CIT: variants seen among roughly 807,000 people sequenced by gnomAD.
CIT encodes the protein citron rho-interacting serine/threonine kinase, also known as citron Rho-interacting kinase.
Under a neutral mutation model 272.7 loss-of-function variants are expected in CIT, and 79 were observed. That is an observed-to-expected ratio of 0.29 (90% CI 0.24 to 0.35). The LOEUF is 0.35. CIT is among the 10% of genes least tolerant of loss of function. The probability of loss-of-function intolerance (pLI) is 1.00; values close to 1 mark genes in which losing one functional copy is unlikely to be tolerated. For missense variants in CIT, 1,909 were observed against 2,618.3 expected (o/e 0.73, Z 5.91); for synonymous variants, 948 against 995.6 (o/e 0.95, Z 0.90).
At chr12:119,739,728 T>C (rs1314334329) in intron 24 of CIT, among the ~76,000 whole-genome samples, 1 of 152,138 alleles carries the variant, frequency 6.6e-6, no homozygotes. Context: ...TGCAAGCAGT[T>C]TGCACGTATC....
Position 119,784,744 on chromosome 12 carries a change from T to G in CIT, c.1401+216A>C. ...AAACGGACTGTTTAAATCCAGGGCC[T>G]CCTCTGGTTTAGATTTAAAGGATTT... On this transcript the variant is annotated intron_variant, in intron 11 of 47. Coordinates refer to ENST00000392521, the MANE Select transcript of CIT (RefSeq NM_001206999.2). The surrounding 1 kb of genome is among the most constrained non-coding windows in gnomAD (Gnocchi z 4.7). The G allele has an allele frequency of 1.4e-6, 2 of 1,395,914 alleles. No homozygotes were observed. Among genetic ancestry groups the G allele is most frequent in the Non-Finnish European group, 1.9e-6 (2 of 1,078,608 alleles). The allele number at this position is 1,395,914 out of a possible 1,614,324, so 86.5% of individuals were successfully genotyped here.
intron 19 of CIT, among the ~76,000 whole-genome samples, chr12:119,764,032 GT>G (rs1205624858): frequency 6.6e-6 from 1 of 152,178 alleles, no homozygotes; most frequent in African/African-American, 2.4e-5. Flanking sequence ...GGTAAGAAGG[GT>G]TTAACCTGAG....
intron 21 of CIT, among the ~76,000 whole-genome samples, chr12:119,758,054 C>T (rs1219129756): frequency 2.0e-5 from 3 of 152,192 alleles, no homozygotes; most frequent in Admixed American, 6.5e-5. Context: ...ACACAGCCTA[C>T]TAAGCTGGTT....
rs2269938 is a variant in CIT at position 119,804,210 on chromosome 12, C to G, written c.1112-821G>C. On this transcript the variant is annotated intron_variant, in intron 9 of 47. Coordinates refer to ENST00000392521, the MANE Select transcript of CIT (RefSeq NM_001206999.2). This position sits in a 1 kb window ranked among gnomAD's most constrained non-coding sequence, Gnocchi z 5.3. Reference sequence around the variant, plus strand: ...CTGGGGGCGTGTTACATCCTCTCCACTTCCTCCGACCTACTAAGCGCTCTC... The same window carrying G: ...CTGGGGGCGTGTTACATCCTCTCCAGTTCCTCCGACCTACTAAGCGCTCTC... 0.18 allele frequency: 172,654 copies of G among 985,368 alleles called. 15,542 individuals carry two copies. Among genetic ancestry groups the G allele is most frequent in the East Asian group, 0.42 (3,700 of 8,784 alleles). 61.0% of individuals were successfully genotyped at this position (985,368 alleles called of 1,614,324 possible).
chr12:119,770,936 GT>G lies in CIT; in HGVS notation c.2083-27del, dbSNP rs1963072881. ...CTGTAGATCATGAATCAATCAGAGA[GT>G]TTTAATGGAGTAACCGCTATGGGCA... On this transcript the variant is annotated intron_variant, in intron 17 of 47. Coordinates refer to ENST00000392521, the MANE Select transcript of CIT (RefSeq NM_001206999.2). The surrounding 1 kb of genome is among the most constrained non-coding windows in gnomAD (Gnocchi z 4.4). The G allele has an allele frequency of 6.2e-7, 1 of 1,612,108 alleles. No homozygotes were observed. The highest frequency in any genetic ancestry group is 1.3e-5 in the African/African-American group (1 of 74,974).
At chr12:119,862,853 A>C (rs1593992251) in intron 3 of CIT, among the ~76,000 whole-genome samples, 1 of 146,472 alleles carries the variant, frequency 6.8e-6, no homozygotes, top group Non-Finnish European at 1.5e-5. Context: ...AAAAACCAAA[A>C]AAAAAAACGA....
intron 23 of CIT, among the ~76,000 whole-genome samples, chr12:119,745,334 A>G (rs1959202907): frequency 7.3e-6 from 1 of 137,784 alleles, no homozygotes; most frequent in South Asian, 2.6e-4. Flanking sequence ...CAGTAAAGCA[A>G]TATCTTCAAA....
At chr12:119,803,475 T>A in intron 9 of CIT, 86 bp from the exon 10 acceptor site, 1 of 1,008,024 alleles carries the variant, frequency 9.9e-7, no homozygotes, top group Non-Finnish European at 1.4e-6. Context: ...ATCGTCTTAC[T>A]CCTTCGGCGC....
chr12:119,844,993 G>A (rs1029009928), intron 5 of CIT, among the ~76,000 whole-genome samples: 3 of 151,982 alleles, frequency 2.0e-5, no homozygotes, highest in African/African-American at 2.4e-5. Flanking sequence ...GGTGGCACGC[G>A]CCTGTAATCC....
chr12:119,692,991 G>A (rs952894647), intron 46 of CIT, among the ~76,000 whole-genome samples: 1 of 152,074 alleles, frequency 6.6e-6, no homozygotes, highest in African/African-American at 2.4e-5. Context: ...TTCCGAGTAG[G>A]AGAACTACAT....
intron 10 of CIT, among the ~76,000 whole-genome samples, chr12:119,787,258 G>A (rs991601534): frequency 2.0e-4 from 30 of 152,026 alleles, no homozygotes; most frequent in Middle Eastern, 6.8e-3. Flanking sequence ...ACACCCAGCC[G>A]TCTCTATAAA....
At chr12:119,765,147 A>G (rs891031883) in intron 19 of CIT, among the ~76,000 whole-genome samples, 2 of 152,042 alleles carry the variant, frequency 1.3e-5, no homozygotes, top group Non-Finnish European at 2.9e-5. Flanking sequence ...AAGGGGGAAG[A>G]GACAATATTT....
intron 13 of CIT, 104 bp downstream of exon 13, chr12:119,782,412 TTC>T: frequency 3.0e-6 from 4 of 1,319,016 alleles, no homozygotes; most frequent in Non-Finnish European, 4.2e-6. Flanking sequence ...CCCCCACCCT[TTC>T]TCTCTCTCCC....
chr12:119,857,720 G>C, intron 3 of CIT, 22 bp from the exon 4 acceptor site: 1 of 1,592,062 alleles, frequency 6.3e-7, no homozygotes, highest in Non-Finnish European at 8.6e-7. Context: ...GCAAGAGTTA[G>C]CCCCAGGTAA....
intron 28 of CIT, among the ~76,000 whole-genome samples, chr12:119,723,665 G>A (rs991774432): frequency 3.9e-5 from 6 of 152,132 alleles, no homozygotes; most frequent in Non-Finnish European, 5.9e-5. Context: ...CTGGAAGAAT[G>A]GATCAAGACC....
intron 10 of CIT, among the ~76,000 whole-genome samples, chr12:119,793,126 C>T (rs1309472689): frequency 2.0e-5 from 3 of 151,828 alleles, no homozygotes; most frequent in African/African-American, 7.3e-5. Context: ...ACCATACACA[C>T]ATATACATAC....
chr12:119,873,936 AT>A (rs1950760690), intron 2 of CIT, among the ~76,000 whole-genome samples: 1 of 152,156 alleles, frequency 6.6e-6, no homozygotes, highest in African/African-American at 2.4e-5. Flanking sequence ...AATAATTACC[AT>A]TTTTTATAAG....
intron 24 of CIT, among the ~76,000 whole-genome samples, chr12:119,736,767 C>CA (rs1958785167): frequency 6.6e-6 from 1 of 152,222 alleles, no homozygotes; most frequent in South Asian, 2.1e-4. Context: ...AAACCAGAAA[C>CA]AATGAATAAA....
chr12:119,701,306 A>G (rs1956557431), intron 43 of CIT, among the ~76,000 whole-genome samples: 1 of 146,114 alleles, frequency 6.8e-6, no homozygotes, highest in Non-Finnish European at 1.5e-5. Context: ...AGATAGAAGG[A>G]TGGAAAGGGA....
Sources: gnomAD v4.1 joint callset for allele counts (sites outside exome capture counted in the v4.1 genomes callset) on GRCh38, gnomAD v4.1.1 for gene constraint, Gnocchi (gnomAD v3.1) non-coding constraint, MANE v1.5 for transcripts, NCBI Gene and HGNC (gene_info 2026-07-23, HGNC 2026-07-21) for gene names.